The following PCYT1B variants were observed in gnomAD, a reference collection of about 807,000 sequenced individuals.
PCYT1B encodes choline-phosphate cytidylyltransferase B.
PCYT1B carries 10 observed loss-of-function variants against 26.4 expected under a neutral mutation model. That is an observed-to-expected ratio of 0.38 (90% confidence interval 0.23 to 0.64). The LOEUF is 0.64. Ranked by LOEUF, PCYT1B falls within the 30% of genes least tolerant of loss-of-function variation. The probability of loss-of-function intolerance (pLI) is 0.56; values close to 1 mark genes in which losing one functional copy is unlikely to be tolerated. For missense variants in PCYT1B, 161 were observed against 292.7 expected (o/e 0.55, Z 3.28); for synonymous variants, 131 against 108.4 (o/e 1.21, Z -1.29).
At chrX:24,584,722 T>G (rs1924312831) in intron 5 of PCYT1B, among the ~76,000 whole-genome samples, 1 of 112,023 alleles carries the variant, frequency 8.9e-6, no homozygotes, top group African/African-American at 3.2e-5. Context: ...TTGTTTTCAT[T>G]TCTAGGGATC....
At position 24,587,228 on chromosome X, in the gene PCYT1B, G is replaced by A. The variant is rs1042492488; in HGVS notation, c.565+13C>T. On this transcript the variant is annotated intron_variant, in intron 5 of 7. Transcript: ENST00000379144. ...TGATGTGGTTGACAGGTGAGCACAG[G>A]GGAATGCCTCACCTGCTTCCTTTAT... 2 of 1,143,209 alleles carry A rather than the reference G, an allele frequency of 1.7e-6. No homozygotes were observed. The highest frequency in any genetic ancestry group is 3.6e-5 in the South Asian group (2 of 55,200). 94.2% of individuals were successfully genotyped at this position (1,143,209 alleles called of 1,213,427 possible).
intron 6 of PCYT1B, 80 bp downstream of exon 6, chrX:24,579,236 G>T: frequency 2.2e-6 from 2 of 911,039 alleles, no homozygotes; most frequent in East Asian, 3.3e-5. Flanking sequence ...ATAGCACTTA[G>T]TAAGTGCTCA....
chrX:24,636,223 G>A (rs771201227), intron 1 of PCYT1B, among the ~76,000 whole-genome samples: 7 of 112,250 alleles, frequency 6.2e-5, no homozygotes, highest in Non-Finnish European at 1.3e-4. Context: ...GAATTATTTG[G>A]AAATGGGAAA....
At chrX:24,656,618 A>G (rs1926925997) in intron 1 of PCYT1B, among the ~76,000 whole-genome samples, 1 of 84,870 alleles carries the variant, frequency 1.2e-5, no homozygotes, top group Non-Finnish European at 2.1e-5. Flanking sequence ...GTGCAGTGGC[A>G]TGATCTCGGC....
intron 4 of PCYT1B, 40 bp from the exon 5 acceptor site, chrX:24,587,359 G>A: frequency 1.1e-6 from 1 of 912,869 alleles, no homozygotes; most frequent in Non-Finnish European, 1.6e-6. Context: ...CACTGGGATG[G>A]ATGTGCATGT....
At chrX:24,610,800 C>T (rs1250587325) in intron 2 of PCYT1B, among the ~76,000 whole-genome samples, 1 of 110,797 alleles carries the variant, frequency 9.0e-6, no homozygotes, top group African/African-American at 3.3e-5. Flanking sequence ...AAAAAAGGAC[C>T]CTGATCTTTC....
Position 24,561,927 on chromosome X carries a change from G to A in PCYT1B, c.*366C>T. The A allele has an allele frequency of 2.0e-6, 1 of 497,959 alleles. No individual in the cohort carries two copies. The highest frequency in any genetic ancestry group is 3.5e-6 in the Non-Finnish European group (1 of 287,656). The allele number at this position is 497,959 out of a possible 1,213,427, so 41.0% of individuals were successfully genotyped here. On this transcript the variant is annotated 3_prime_UTR_variant, in exon 8 of 8. Coordinates refer to ENST00000379144, the MANE Select transcript of PCYT1B (RefSeq NM_004845.5). Reference sequence around the variant, plus strand: ...TATGGACGCAGAAGTAGCAGGTTGAGGGAACAGCCGCTGCCACAGGTGGTT... The same window carrying A: ...TATGGACGCAGAAGTAGCAGGTTGAAGGAACAGCCGCTGCCACAGGTGGTT...
At chrX:24,647,373 TC>T (rs1481858923), upstream of PCYT1B, 5 of 743,101 alleles carry the variant, frequency 6.7e-6, no homozygotes, top group East Asian at 5.3e-5. Context: ...GGATACAGTA[TC>T]TCATTTGCAT....
intron 1 of PCYT1B, among the ~76,000 whole-genome samples, chrX:24,657,285 T>C (rs1926942379): frequency 8.9e-6 from 1 of 111,831 alleles, no homozygotes; most frequent in Non-Finnish European, 1.9e-5. Context: ...CTTTATGGGG[T>C]TTGAGTCCAG....
chrX:24,631,553 G>A (rs771646906), intron 1 of PCYT1B, among the ~76,000 whole-genome samples: 1 of 112,098 alleles, frequency 8.9e-6, no homozygotes, highest in Non-Finnish European at 1.9e-5. Flanking sequence ...CCAGGTCAGG[G>A]CTACTGTCCG....
At chrX:24,588,113 T>C (rs769163966) in intron 4 of PCYT1B, among the ~76,000 whole-genome samples, 1 of 112,134 alleles carries the variant, frequency 8.9e-6, no homozygotes, top group South Asian at 3.8e-4. Flanking sequence ...GGAATAAGCC[T>C]CTTTTCTCTA....
At chrX:24,571,179 C>T (rs1602149277) in intron 7 of PCYT1B, among the ~76,000 whole-genome samples, 1 of 111,495 alleles carries the variant, frequency 9.0e-6, no homozygotes, top group East Asian at 2.8e-4. Context: ...GCCTGGCCAA[C>T]ATGGTGAAAC....
At chrX:24,649,778 G>C (rs1249256984), upstream of PCYT1B, among the ~76,000 whole-genome samples, 2 of 111,730 alleles carry the variant, frequency 1.8e-5, no homozygotes, top group African/African-American at 3.3e-5. Context: ...CTTTGCCTAG[G>C]ATATCTTCAT....
chrX:24,663,852 G>A (rs1035864858), intron 1 of PCYT1B, among the ~76,000 whole-genome samples: 2 of 111,322 alleles, frequency 1.8e-5, no homozygotes, highest in African/African-American at 6.5e-5. Flanking sequence ...TCGGGAGGTG[G>A]AGGTTGCAGT....
upstream of PCYT1B, among the ~76,000 whole-genome samples, chrX:24,651,468 AAAAAATATATATATATATAT>A (rs1220674749): frequency 5.9e-3 from 201 of 33,923 alleles, 10 homozygotes; most frequent in African/African-American, 0.023. Flanking sequence ...AAAAAAAAAA[AAAAAATATATATATATATAT>A]ATATATATAT....
chrX:24,580,278 C>T (rs961182135), intron 5 of PCYT1B, among the ~76,000 whole-genome samples: 16 of 112,756 alleles, frequency 1.4e-4, no homozygotes, highest in African/African-American at 5.1e-4. Flanking sequence ...GTGTCTAGCA[C>T]ATGGAAGGTG....
At chrX:24,671,395 A>G (rs1224309772) in intron 1 of PCYT1B, among the ~76,000 whole-genome samples, 1 of 111,117 alleles carries the variant, frequency 9.0e-6, no homozygotes, top group Non-Finnish European at 1.9e-5. Flanking sequence ...ACTCAATACA[A>G]TTGGCTAGTA....
chrX:24,575,200 T>C lies in PCYT1B; in HGVS notation c.827A>G (p.Gln276Arg). The change falls in exon 7 of 8, where the codon CAA (glutamine) becomes CGA (arginine). Residue 276 changes from glutamine (Q) to arginine (R), a missense_variant. By Grantham distance (43) the Gln-to-Arg change is conservative (BLOSUM62 1). This residue lies in a region of PCYT1B where 7 missense variants were observed against 40.9 expected (regional missense o/e 0.17). Transcript: ENST00000379144. ...RVEEKSHDLI[Q>R]KWEEKSREFI... ...TTCCCTTGACTTCTCTTCCCACTTT[T>C]GAATTAGATCATGGCTCTTTTCTTC... 1 of 1,208,183 alleles carries C rather than the reference T, an allele frequency of 8.3e-7. No homozygotes were observed. Among genetic ancestry groups the C allele is most frequent in the Non-Finnish European group, 1.1e-6 (1 of 892,833 alleles).
chrX:24,566,121 G>A (rs1318465758), intron 7 of PCYT1B, among the ~76,000 whole-genome samples: 1 of 112,295 alleles, frequency 8.9e-6, no homozygotes, highest in East Asian at 2.8e-4. Context: ...TCATGTTACT[G>A]CTGGTAAGAG....
Sources: gnomAD v4.1 joint callset for allele counts (sites outside exome capture counted in the v4.1 genomes callset) on GRCh38, gnomAD v4.1.1 for gene constraint, gnomAD v4.1.1 regional missense constraint, MANE v1.5 for transcripts, NCBI Gene and HGNC (gene_info 2026-07-23, HGNC 2026-07-21) for gene names.